Variants in WWOX observed in about 807,000 individuals in gnomAD.
WWOX encodes the protein WW domain containing oxidoreductase.
In WWOX, 69 loss-of-function variants were observed where a neutral mutation model predicts 46.2. The observed-to-expected ratio is 1.49, with a 90% confidence interval of 1.23 to 1.82. The LOEUF is 1.82. Ranked by LOEUF, WWOX falls within the 40% of genes most tolerant of loss-of-function variation. WWOX has a pLI of 0.00. For synonymous variants in WWOX, 359 were observed against 202.6 expected (o/e 1.77, Z -6.56); for missense variants, 919 against 542.6 (o/e 1.69, Z -6.89).
chr16:78,314,716 T>TG (rs2080326518), intron 5 of WWOX, among the ~76,000 whole-genome samples: 6 of 139,262 alleles, frequency 4.3e-5, no homozygotes, highest in South Asian at 2.3e-4. Context: ...TTTTTTTTTT[T>TG]TTTTTCTGTA....
intron 8 of WWOX, among the ~76,000 whole-genome samples, chr16:79,000,399 A>G (rs1039316522): frequency 6.6e-6 from 1 of 152,184 alleles, no homozygotes; most frequent in African/African-American, 2.4e-5. Context: ...TAAGGTTGCT[A>G]TTCACTCATC....
intron 6 of WWOX, among the ~76,000 whole-genome samples, chr16:78,423,361 T>C (rs187958398): frequency 1.4e-4 from 21 of 152,326 alleles, no homozygotes; most frequent in African/African-American, 4.8e-4. Context: ...ATCATATGGA[T>C]ATATTCTAAA....
chr16:79,168,644 C>T (rs375548352), intron 8 of WWOX, among the ~76,000 whole-genome samples: 1 of 152,156 alleles, frequency 6.6e-6, no homozygotes, highest in Non-Finnish European at 1.5e-5. Context: ...CACTTGTCGA[C>T]TAGAATTTCC....
intron 8 of WWOX, among the ~76,000 whole-genome samples, chr16:78,644,195 C>T (rs1291620805): frequency 6.6e-6 from 1 of 152,046 alleles, no homozygotes; most frequent in African/African-American, 2.4e-5. Flanking sequence ...GCACTCCAGC[C>T]TGGGCAACGA....
chr16:78,778,598 T>C (rs1201090376), intron 8 of WWOX, among the ~76,000 whole-genome samples: 1 of 152,034 alleles, frequency 6.6e-6, no homozygotes, highest in Non-Finnish European at 1.5e-5. Context: ...AAATTCAAGG[T>C]GTGGTCTCAG....
At chr16:78,959,108 A>G (rs2046224849) in intron 8 of WWOX, among the ~76,000 whole-genome samples, 1 of 152,184 alleles carries the variant, frequency 6.6e-6, no homozygotes. Flanking sequence ...CCATCTTCCA[A>G]TTAGAATGTT....
chr16:78,862,984 G>C (rs1046213227), intron 8 of WWOX, among the ~76,000 whole-genome samples: 1 of 146,334 alleles, frequency 6.8e-6, no homozygotes, highest in Non-Finnish European at 1.5e-5. Context: ...TTTTGAGATG[G>C]AGTCTTGCTC....
chr16:79,131,221 C>T lies in WWOX; in HGVS notation c.1057-80387C>T, dbSNP rs140865619. On this transcript the variant is annotated intron_variant, in intron 8 of 8. Transcript: ENST00000566780. ...CAGCAAGAAGACTGCTGGTCTCTCC[C>T]TTCCTCCAGGGCCATTTGTGAGAGT... is the stretch of plus-strand genomic sequence containing the variant. 1.2e-3 allele frequency among the ~76,000 whole-genome samples: 184 copies of T among 152,248 alleles called. 1 individual carries two copies. Among genetic ancestry groups the T allele is most frequent in the Non-Finnish European group, 2.5e-3 (167 of 68,020 alleles).
At position 78,901,830 on chromosome 16, in the gene WWOX, G is replaced by T. The variant is rs576142138; in HGVS notation, c.1057-309778G>T. On this transcript the variant is annotated intron_variant, in intron 8 of 8. Transcript: ENST00000566780. ...AAACACTGGTGTACAATCCAAGTCT[G>T]TCGCTGCCCAGGATAGAGGAGGGAT... Among the ~76,000 whole-genome samples, 807 of 152,328 alleles carry T rather than the reference G, an allele frequency of 5.3e-3. 6 individuals are homozygous for T. The highest frequency in any genetic ancestry group is 0.019 in the African/African-American group (777 of 41,566).
At chr16:79,164,444 C>T (rs1332870941) in intron 8 of WWOX, among the ~76,000 whole-genome samples, 1 of 152,060 alleles carries the variant, frequency 6.6e-6, no homozygotes, top group African/African-American at 2.4e-5. Flanking sequence ...TTGAGGTCCT[C>T]ATTATTGTGG....
chr16:78,895,121 A>C (rs1392307514), intron 8 of WWOX, among the ~76,000 whole-genome samples: 1 of 152,156 alleles, frequency 6.6e-6, no homozygotes, highest in African/African-American at 2.4e-5. Flanking sequence ...GTTATTAGGC[A>C]TATGCTAAAG....
intron 8 of WWOX, among the ~76,000 whole-genome samples, chr16:78,581,640 C>A (rs1001354893): frequency 6.6e-6 from 1 of 152,026 alleles, no homozygotes; most frequent in African/African-American, 2.4e-5. Flanking sequence ...CCCGTGGGCC[C>A]CTTTTCATTG....
chr16:78,114,620 C>T (rs1455864143), intron 3 of WWOX, among the ~76,000 whole-genome samples: 1 of 151,986 alleles, frequency 6.6e-6, no homozygotes, highest in Non-Finnish European at 1.5e-5. Flanking sequence ...TTGAAATCTA[C>T]TGAAAAGAGT....
At chr16:78,187,934 G>C (rs1024311637) in intron 5 of WWOX, among the ~76,000 whole-genome samples, 1 of 152,190 alleles carries the variant, frequency 6.6e-6, no homozygotes, top group African/African-American at 2.4e-5. Context: ...TTAAGACCTA[G>C]TAAGGTTTCC....
At chr16:78,397,923 A>T (rs538254425) in intron 6 of WWOX, among the ~76,000 whole-genome samples, 161 of 152,290 alleles carry the variant, frequency 1.1e-3, no homozygotes, top group African/African-American at 3.7e-3. Flanking sequence ...CAGTTAAGGT[A>T]CTCAGACTAT....
At chr16:78,589,045 T>A (rs1280216235) in intron 8 of WWOX, among the ~76,000 whole-genome samples, 1 of 152,236 alleles carries the variant, frequency 6.6e-6, no homozygotes, top group African/African-American at 2.4e-5. Flanking sequence ...AACCTCCTTA[T>A]TAAGACCTTA....
At chr16:78,634,530 A>C (rs2046517491) in intron 8 of WWOX, among the ~76,000 whole-genome samples, 1 of 151,560 alleles carries the variant, frequency 6.6e-6, no homozygotes, top group Admixed American at 6.6e-5. Context: ...ACATGGTGAA[A>C]CCCCGTCTCT....
chr16:78,177,362 A>T (rs2035384937), intron 5 of WWOX, among the ~76,000 whole-genome samples: 1 of 152,184 alleles, frequency 6.6e-6, no homozygotes, highest in African/African-American at 2.4e-5. Context: ...GATTTTGCTA[A>T]TGAGGTGATA....
intron 8 of WWOX, among the ~76,000 whole-genome samples, chr16:78,975,099 C>G (rs7197569): frequency 0.58 from 87,432 of 152,032 alleles, 25,338 homozygotes; most frequent in Middle Eastern, 0.69. Flanking sequence ...CATTTTAACT[C>G]TGGACCAGAA....
Sources: gnomAD v4.1 joint callset for allele counts (sites outside exome capture counted in the v4.1 genomes callset) on GRCh38, gnomAD v4.1.1 for gene constraint, MANE v1.5 for transcripts, NCBI Gene and HGNC (gene_info 2026-07-23, HGNC 2026-07-21) for gene names.